ELMOD1: variants seen among roughly 807,000 people sequenced by gnomAD.
ELMOD1 encodes the protein ELMO domain containing 1.
ELMOD1 carries 21 observed loss-of-function variants against 46.7 expected under a neutral mutation model. The ratio of observed to expected loss-of-function variants is 0.45; its 90% CI spans 0.32 to 0.65. The LOEUF (loss-of-function observed/expected upper bound fraction) is 0.65, where lower values mean the gene tolerates loss of function less well. Among genes scored for constraint, ELMOD1 ranks in the 30% least tolerant of loss-of-function variants. The probability of loss-of-function intolerance (pLI) is 0.04; values close to 1 mark genes in which losing one functional copy is unlikely to be tolerated. For missense variants in ELMOD1, 348 were observed against 407.8 expected (o/e 0.85, Z 1.26); for synonymous variants, 122 against 138.2 (o/e 0.88, Z 0.82).
chr11:107,595,153 G>T (rs1865471078), intron 1 of ELMOD1, among the ~76,000 whole-genome samples: 1 of 145,662 alleles, frequency 6.9e-6, no homozygotes, highest in Non-Finnish European at 1.5e-5. Flanking sequence ...CAATAAATCT[G>T]TTTTTTTTTT....
intron 6 of ELMOD1, among the ~76,000 whole-genome samples, chr11:107,645,765 C>T (rs1409064649): frequency 6.6e-6 from 1 of 152,024 alleles, no homozygotes; most frequent in African/African-American, 2.4e-5. Flanking sequence ...TTTCTCTCGC[C>T]CTTTAGACAA....
At chr11:107,651,623 C>A (rs1056478346) in intron 9 of ELMOD1, among the ~76,000 whole-genome samples, 1 of 151,730 alleles carries the variant, frequency 6.6e-6, no homozygotes, top group African/African-American at 2.4e-5. Context: ...AAAAACACTA[C>A]AATCATTTAG....
intron 10 of ELMOD1, among the ~76,000 whole-genome samples, chr11:107,654,768 C>CA (rs945140722): frequency 0.061 from 4,012 of 66,048 alleles, 203 homozygotes; most frequent in African/African-American, 0.16. Flanking sequence ...GACTCCGTCT[C>CA]AAAAAAAAAA....
At chr11:107,637,808 G>A (rs1030868993) in intron 6 of ELMOD1, among the ~76,000 whole-genome samples, 1 of 151,906 alleles carries the variant, frequency 6.6e-6, no homozygotes, top group Non-Finnish European at 1.5e-5. Context: ...TCTCCAACTT[G>A]GGCTGTGCCA....
intron 1 of ELMOD1, among the ~76,000 whole-genome samples, chr11:107,594,901 C>G (rs887769984): frequency 2.6e-5 from 4 of 152,166 alleles, no homozygotes; most frequent in African/African-American, 7.2e-5. Flanking sequence ...TGTAGTACCA[C>G]AGAGGACCTA....
chr11:107,618,410 C>T (rs1865895765), intron 2 of ELMOD1, among the ~76,000 whole-genome samples: 1 of 152,164 alleles, frequency 6.6e-6, no homozygotes, highest in South Asian at 2.1e-4. Flanking sequence ...TAAGACAGAG[C>T]ACTTGTAGAT....
At chr11:107,654,089 A>C in intron 9 of ELMOD1, 83 bp from the exon 10 acceptor site, 1 of 1,129,370 alleles carries the variant, frequency 8.9e-7, no homozygotes, top group Non-Finnish European at 1.3e-6. Context: ...TATAGTTAAC[A>C]GTTTTAACAT....
chr11:107,635,772 GCTTGAA>G lies in ELMOD1; in HGVS notation c.420+9_420+14del. 1.2e-6 allele frequency: 2 copies of G among 1,611,276 alleles called. No individual in the cohort carries two copies. Among genetic ancestry groups the G allele is most frequent in the Non-Finnish European group, 1.7e-6 (2 of 1,178,440 alleles). On this transcript the variant is annotated splice_region_variant and intron_variant, in intron 6 of 11. Coordinates refer to ENST00000265840, the MANE Select transcript of ELMOD1 (RefSeq NM_018712.4). The stretch of plus-strand genomic sequence containing the variant: ...TGAAGAAATGCTTTTGAAGGTTAGT[GCTTGAA>G]CACATTTCGGTTCTTCCTCTAAGTC...
chr11:107,646,766 T>A (rs1411737798), intron 6 of ELMOD1, among the ~76,000 whole-genome samples: 1 of 150,496 alleles, frequency 6.6e-6, no homozygotes, highest in East Asian at 1.9e-4. Context: ...TCATGTCAGT[T>A]CACTTTTTTT....
intron 2 of ELMOD1, among the ~76,000 whole-genome samples, chr11:107,624,227 T>A (rs987561422): frequency 2.6e-5 from 4 of 152,256 alleles, no homozygotes; most frequent in African/African-American, 9.6e-5. Flanking sequence ...TAAAAGTTTA[T>A]ATTTGAGGTT....
chr11:107,592,321 GA>G (rs750204086), intron 1 of ELMOD1: 4 of 532,718 alleles, frequency 7.5e-6, no homozygotes, highest in African/African-American at 1.9e-5. Context: ...CACCACCTAG[GA>G]AAATACGCTG....
intron 9 of ELMOD1, among the ~76,000 whole-genome samples, chr11:107,651,805 C>T (rs997520003): frequency 1.3e-5 from 2 of 152,152 alleles, no homozygotes; most frequent in East Asian, 1.9e-4. Flanking sequence ...TCAGAAGACA[C>T]GAGTCCTCCG....
At chr11:107,621,958 C>T (rs925650105) in intron 2 of ELMOD1, among the ~76,000 whole-genome samples, 2 of 152,016 alleles carry the variant, frequency 1.3e-5, no homozygotes, top group Non-Finnish European at 2.9e-5. Context: ...ACCCAGGAGG[C>T]GGAGGTTGCA....
intron 6 of ELMOD1, among the ~76,000 whole-genome samples, chr11:107,637,914 C>A (rs1335474546): frequency 6.6e-6 from 1 of 151,974 alleles, no homozygotes; most frequent in Non-Finnish European, 1.5e-5. Flanking sequence ...CAGATATATT[C>A]ATTGTCATTC....
chr11:107,640,278 T>C (rs1866299497), intron 6 of ELMOD1, among the ~76,000 whole-genome samples: 1 of 152,258 alleles, frequency 6.6e-6, no homozygotes, highest in Admixed American at 6.5e-5. Flanking sequence ...ATTTGCTACG[T>C]ATAGTTATTA....
intron 11 of ELMOD1, among the ~76,000 whole-genome samples, chr11:107,661,660 A>G (rs1298868648): frequency 2.6e-5 from 4 of 152,220 alleles, no homozygotes; most frequent in Admixed American, 1.3e-4. Context: ...TTTTAGAACC[A>G]TAAAAATTAT....
chr11:107,615,247 T>G (rs913842365), intron 1 of ELMOD1, among the ~76,000 whole-genome samples: 1 of 141,152 alleles, frequency 7.1e-6, no homozygotes, highest in Non-Finnish European at 1.5e-5. Context: ...TTTTTTTTTT[T>G]TTTTTTTGAG....
intron 10 of ELMOD1, 101 bp downstream of exon 10, chr11:107,654,323 A>G (rs770544763): frequency 3.0e-6 from 3 of 1,004,244 alleles, no homozygotes; most frequent in Admixed American, 2.2e-5. Flanking sequence ...TACTTGTCCT[A>G]ATAGAAATAT....
intron 6 of ELMOD1, among the ~76,000 whole-genome samples, chr11:107,644,365 A>G (rs1270642963): frequency 1.3e-5 from 2 of 152,112 alleles, no homozygotes; most frequent in Non-Finnish European, 1.5e-5. Flanking sequence ...ATCCCACGCT[A>G]TAAGCATTCA....
Sources: allele counts gnomAD v4.1 joint callset (sites outside exome capture counted in the v4.1 genomes callset), GRCh38; gene constraint gnomAD v4.1.1; transcripts MANE v1.5; gene names NCBI Gene and HGNC (gene_info 2026-07-23, HGNC 2026-07-21).